FILIP1: variants seen among roughly 807,000 people sequenced by gnomAD.
FILIP1 encodes the protein filamin A interacting protein 1.
FILIP1 carries 61 observed loss-of-function variants against 102.1 expected under a neutral mutation model. That is an observed-to-expected ratio of 0.60 (90% confidence interval 0.49 to 0.74). FILIP1 has a LOEUF of 0.74. Among genes scored for constraint, FILIP1 ranks in the 30% least tolerant of loss-of-function variants. The pLI, the probability that FILIP1 is intolerant of heterozygous loss-of-function variation, is 0.00. For missense variants in FILIP1, 1,314 were observed against 1,441.2 expected, an observed-to-expected ratio of 0.91 and a Z score of 1.43; for synonymous variants, 491 against 526.9, an observed-to-expected ratio of 0.93 and a Z score of 0.93.
intron 2 of FILIP1, among the ~76,000 whole-genome samples, chr6:75,372,679 A>T (rs1416638492): frequency 1.5e-4 from 9 of 58,916 alleles, no homozygotes; most frequent in African/African-American, 6.3e-4. Context: ...GAAAGAAAGA[A>T]AGAAAGAGAA....
intron 4 of FILIP1, chr6:75,319,279 A>C: frequency 1.5e-6 from 1 of 670,672 alleles, no homozygotes. Flanking sequence ...CACCTGTCCC[A>C]GTTTCTTCCA....
chr6:75,376,310 C>T (rs1358472811), intron 2 of FILIP1, among the ~76,000 whole-genome samples: 2 of 152,106 alleles, frequency 1.3e-5, no homozygotes, highest in African/African-American at 4.8e-5. Flanking sequence ...TACAACAGTT[C>T]AGAGAGGTTA....
At chr6:75,455,571 G>T (rs1279982822) in intron 1 of FILIP1, among the ~76,000 whole-genome samples, 1 of 152,036 alleles carries the variant, frequency 6.6e-6, no homozygotes, top group Admixed American at 6.6e-5. Flanking sequence ...ATTTTTAAAG[G>T]TGATTGCTAT....
intron 4 of FILIP1, among the ~76,000 whole-genome samples, chr6:75,315,986 G>A (rs1773431979): frequency 6.6e-6 from 1 of 152,126 alleles, no homozygotes; most frequent in Admixed American, 6.5e-5. Context: ...GTTCACACCA[G>A]AACTGGCACA....
intron 4 of FILIP1, among the ~76,000 whole-genome samples, chr6:75,344,407 C>G (rs1774512266): frequency 6.6e-6 from 1 of 152,190 alleles, no homozygotes; most frequent in Admixed American, 6.5e-5. Flanking sequence ...CAATTTGAGT[C>G]AACATTGAAA....
At chr6:75,428,581 A>C in intron 1 of FILIP1, 1 of 154,380 alleles carries the variant, frequency 6.5e-6, no homozygotes. Context: ...ATTGCAAAGA[A>C]GCCCCAGCCC....
chr6:75,446,141 A>T (rs1778438188), intron 1 of FILIP1, among the ~76,000 whole-genome samples: 1 of 152,162 alleles, frequency 6.6e-6, no homozygotes, highest in Non-Finnish European at 1.5e-5. Flanking sequence ...CTATAGTTAG[A>T]TTCTCCTTAA....
intron 4 of FILIP1, among the ~76,000 whole-genome samples, chr6:75,341,529 A>G (rs1774420467): frequency 3.3e-5 from 5 of 151,978 alleles, no homozygotes; most frequent in Admixed American, 2.0e-4. Flanking sequence ...AGTCTTTTTC[A>G]TGTCTCTAGG....
intron 1 of FILIP1, among the ~76,000 whole-genome samples, chr6:75,438,862 G>C (rs898755194): frequency 5.3e-5 from 8 of 152,078 alleles, no homozygotes; most frequent in African/African-American, 1.9e-4. Flanking sequence ...GAATTGACAG[G>C]GTTTCCCAGA....
At chr6:75,454,976 A>G (rs181098253) in intron 1 of FILIP1, 10 of 152,326 alleles carry the variant, frequency 6.6e-5, no homozygotes, top group African/African-American at 2.4e-4. Context: ...ACAGGATAAG[A>G]TCCGATCCTA....
At chr6:75,395,686 C>A (rs905727945) in intron 2 of FILIP1, among the ~76,000 whole-genome samples, 4 of 152,176 alleles carry the variant, frequency 2.6e-5, no homozygotes, top group African/African-American at 9.6e-5. Context: ...CATCCATACA[C>A]TTGTCTTGTT....
In FILIP1 at chr6:75,356,390, C is replaced by T. The variant is rs146983808; in HGVS notation, c.451-2673G>A. On this transcript the variant is annotated intron_variant, in intron 3 of 5. Coordinates refer to ENST00000237172, the MANE Select transcript of FILIP1 (RefSeq NM_015687.5). ...AGATAGAGACTGGTGGAGAAGCCCA[C>T]GTTAATGGGTGGCTGATAATATCTG... is the stretch of plus-strand genomic sequence containing the variant. 5.9e-5 allele frequency among the ~76,000 whole-genome samples: 9 copies of T among 152,126 alleles called. No individual in the cohort carries two copies. In the East Asian group the frequency reaches 1.4e-3, roughly 23 times the overall value.
intron 1 of FILIP1, among the ~76,000 whole-genome samples, chr6:75,488,916 G>A (rs1288524449): frequency 6.6e-6 from 1 of 152,016 alleles, no homozygotes; most frequent in Non-Finnish European, 1.5e-5. Context: ...TAGGATTAAG[G>A]GCAATGAATC....
At chr6:75,299,222 A>T (rs1215520727) in intron 6 of FILIP1, among the ~76,000 whole-genome samples, 1 of 152,196 alleles carries the variant, frequency 6.6e-6, no homozygotes, top group East Asian at 1.9e-4. Context: ...CCAGAACAAG[A>T]TTCAACTATA....
Position 75,414,837 on chromosome 6 carries a change from C to G in FILIP1, c.136G>C (p.Glu46Gln), listed in dbSNP as rs1256647931. Residue 46 changes from glutamate to glutamine, a missense_variant, in exon 2 of 6, where the codon GAG becomes CAG. Glu to Gln is a conservative substitution (Grantham distance 29, BLOSUM62 2). Around this residue, in one of 3 missense-constraint regions of FILIP1, gnomAD observed 494 missense variants for 511.2 expected, o/e 0.97. Coordinates refer to ENST00000237172, the MANE Select transcript of FILIP1 (RefSeq NM_015687.5). ...AKKKKKSNRK[E>Q]DDVMASGTVK... ...GTTCCTGAGGCCATGACATCATCCT[C>G]CTTCCTATTTGATTTCTTCTTCTTT... The G allele has an allele frequency of 6.2e-7, 1 of 1,613,706 alleles. No homozygotes were observed. Among genetic ancestry groups the G allele is most frequent in the Non-Finnish European group, 8.5e-7 (1 of 1,179,818 alleles).
At chr6:75,480,967 T>C (rs1233269203) in intron 1 of FILIP1, among the ~76,000 whole-genome samples, 1 of 152,244 alleles carries the variant, frequency 6.6e-6, no homozygotes, top group Admixed American at 6.5e-5. Flanking sequence ...TATGTAGACT[T>C]GTTGTAACAA....
At chr6:75,405,301 TG>T (rs1315764798) in intron 2 of FILIP1, among the ~76,000 whole-genome samples, 2 of 152,124 alleles carry the variant, frequency 1.3e-5, no homozygotes, top group African/African-American at 4.8e-5. Flanking sequence ...AGCCAACAAA[TG>T]TAGGCCTAAA....
In FILIP1 at chr6:75,312,460, T is replaced by G. The variant is rs142674783; in HGVS notation, c.3372A>C (p.Lys1124Asn). The change falls in exon 5 of 6, where the codon AAA (lysine) becomes AAC (asparagine). Residue 1124 changes from lysine (K) to asparagine (N), a missense_variant. Lys to Asn is a moderately conservative substitution (Grantham distance 94, BLOSUM62 0). Around this residue, in one of 3 missense-constraint regions of FILIP1, gnomAD observed 816 missense variants for 913.1 expected, o/e 0.89. Coordinates refer to ENST00000237172, the MANE Select transcript of FILIP1 (RefSeq NM_015687.5). The part of the protein sequence containing the change: ...NHLSSRPGAS[K>N]VTSTITITPV... The stretch of plus-strand genomic sequence containing the variant: ...GTGTTATGGTGATAGTGCTCGTCAC[T>G]TTGCTTGCACCAGGCCGTGAGGAGA... 1.2e-5 allele frequency: 20 copies of G among 1,614,020 alleles called. No homozygotes were observed. The African/African-American group carries it at 2.3e-4, about 18-fold the overall frequency.
At chr6:75,320,462 A>C (rs1037585533) in intron 4 of FILIP1, among the ~76,000 whole-genome samples, 1 of 152,196 alleles carries the variant, frequency 6.6e-6, no homozygotes, top group Non-Finnish European at 1.5e-5. Flanking sequence ...CTGTAATCCC[A>C]GCTACTCAGG....
Sources: gnomAD v4.1 joint callset for allele counts (sites outside exome capture counted in the v4.1 genomes callset) on GRCh38, gnomAD v4.1.1 for gene constraint, gnomAD v4.1.1 regional missense constraint, MANE v1.5 for transcripts, NCBI Gene and HGNC (gene_info 2026-07-23, HGNC 2026-07-21) for gene names.